The following ZFP64 variants were observed in gnomAD, a reference collection of about 807,000 sequenced individuals.
The protein encoded by ZFP64 is ZFP64 zinc finger protein, also known as zinc finger protein 64.
A neutral mutation model predicts 51.6 loss-of-function variants in ZFP64; 14 were observed. The observed-to-expected ratio is 0.27, with a 90% CI of 0.18 to 0.42. ZFP64 has a LOEUF of 0.42. Ranked by LOEUF, ZFP64 falls within the 10% of genes least tolerant of loss-of-function variation. ZFP64 has a pLI of 1.00. For missense variants in ZFP64, 754 were observed against 906.8 expected, an observed-to-expected ratio of 0.83 and a Z score of 2.16; for synonymous variants, 375 against 361.4, an observed-to-expected ratio of 1.04 and a Z score of -0.43.
chr20:52,106,165 C>T (rs1174471740), intron 5 of ZFP64, among the ~76,000 whole-genome samples: 1 of 152,172 alleles, frequency 6.6e-6, no homozygotes, highest in Non-Finnish European at 1.5e-5. Context: ...CCCCGCCCAG[C>T]AGGTGACGGA....
At chr20:52,172,204 GGTGT>G (rs368946687) in intron 2 of ZFP64, among the ~76,000 whole-genome samples, 2,246 of 150,236 alleles carry the variant, frequency 0.015, 50 homozygotes, top group African/African-American at 0.049. Context: ...TGTGTGTGTT[GGTGT>G]GTGTGTGTGT....
At chr20:52,110,690 G>T (rs1978513800) in intron 5 of ZFP64, 2 of 1,547,554 alleles carry the variant, frequency 1.3e-6, no homozygotes, top group African/African-American at 1.4e-5. Flanking sequence ...TAGACCCCTT[G>T]CCCCTTCAGC....
intron 5 of ZFP64, among the ~76,000 whole-genome samples, chr20:52,137,468 T>C (rs960654090): frequency 6.6e-6 from 1 of 152,208 alleles, no homozygotes; most frequent in Non-Finnish European, 1.5e-5. Flanking sequence ...ATAATTCATC[T>C]GCCAGGACAA....
intron 5 of ZFP64, chr20:52,105,245 G>T: frequency 7.5e-7 from 1 of 1,335,104 alleles, no homozygotes; most frequent in Non-Finnish European, 9.5e-7. Flanking sequence ...CATGGCGCGA[G>T]GACCGGGCTC....
At position 52,104,013 on chromosome 20, in the gene ZFP64, G is replaced by A. The variant is rs371971133; in HGVS notation, c.764-5426C>T. On this transcript the variant is annotated intron_variant, in intron 5 of 8. Transcript: ENST00000361387. ...TGGAGGGGTGAGCCGCCCCGGAGAG[G>A]GGACCCATCCTCCTTTCCGCGCCCG... Among the ~76,000 whole-genome samples, 182 of 152,338 alleles carry A rather than the reference G, an allele frequency of 1.2e-3. 1 individual carries two copies. The highest frequency in any genetic ancestry group is 4.1e-3 in the African/African-American group (172 of 41,590).
chr20:52,123,358 CA>C (rs1377686489), intron 5 of ZFP64, among the ~76,000 whole-genome samples: 1 of 152,208 alleles, frequency 6.6e-6, no homozygotes, highest in East Asian at 1.9e-4. Flanking sequence ...TGCTATCAAA[CA>C]GCATTGCATG....
chr20:52,088,336 A>G, intron 8 of ZFP64: 1 of 1,592,124 alleles, frequency 6.3e-7, no homozygotes, highest in Non-Finnish European at 8.5e-7. Context: ...AAGTAAATGA[A>G]GGTTAAGAAA....
At chr20:52,138,176 T>C (rs923891995) in intron 5 of ZFP64, among the ~76,000 whole-genome samples, 1 of 151,956 alleles carries the variant, frequency 6.6e-6, no homozygotes, top group African/African-American at 2.4e-5. Context: ...CACTGCACTT[T>C]AGCCTGGGAG....
intron 2 of ZFP64, among the ~76,000 whole-genome samples, chr20:52,168,593 G>A (rs1227623592): frequency 6.6e-6 from 1 of 152,130 alleles, no homozygotes; most frequent in Admixed American, 6.5e-5. Context: ...CATTAGCAGA[G>A]ACCATCCTTT....
intron 2 of ZFP64, among the ~76,000 whole-genome samples, chr20:52,177,882 A>C (rs1403754926): frequency 1.3e-5 from 2 of 151,994 alleles, no homozygotes; most frequent in African/African-American, 4.8e-5. Context: ...AAATACAAAA[A>C]TTAGCTGGGT....
At chr20:52,157,464 C>A (rs1261156048) in intron 5 of ZFP64, among the ~76,000 whole-genome samples, 3 of 152,148 alleles carry the variant, frequency 2.0e-5, no homozygotes, top group African/African-American at 7.2e-5. Context: ...CTCAAAGGTA[C>A]ATTTTGCAAT....
chr20:52,119,553 T>TATATATATAC (rs1555802529), intron 5 of ZFP64, among the ~76,000 whole-genome samples: 25 of 84,020 alleles, frequency 3.0e-4, no homozygotes, highest in Non-Finnish European at 5.9e-4. Flanking sequence ...TATATATATA[T>TATATATATAC]ACATATATAT....
At chr20:52,145,459 C>T (rs1399819939) in intron 5 of ZFP64, among the ~76,000 whole-genome samples, 1 of 152,054 alleles carries the variant, frequency 6.6e-6, no homozygotes, top group East Asian at 1.9e-4. Context: ...TTGAGACCAG[C>T]CTGGGCAGAA....
chr20:52,111,196 AATTT>A, intron 5 of ZFP64: 2 of 532,934 alleles, frequency 3.8e-6, no homozygotes, highest in Middle Eastern at 4.9e-4. Context: ...GTCAGCGGTC[AATTT>A]TTTTTTTTTT....
intron 5 of ZFP64, among the ~76,000 whole-genome samples, chr20:52,159,560 C>G (rs1981601267): frequency 6.6e-6 from 1 of 152,198 alleles, no homozygotes; most frequent in South Asian, 2.1e-4. Flanking sequence ...AAAAGCAAAA[C>G]TGCAAATGGG....
intron 5 of ZFP64, among the ~76,000 whole-genome samples, chr20:52,128,474 C>G (rs1288039554): frequency 6.6e-6 from 1 of 152,138 alleles, no homozygotes; most frequent in African/African-American, 2.4e-5. Flanking sequence ...AACCTGAAAA[C>G]AGGAATAAAA....
intron 5 of ZFP64, among the ~76,000 whole-genome samples, chr20:52,129,158 T>C (rs1979594274): frequency 6.6e-6 from 1 of 151,722 alleles, no homozygotes; most frequent in South Asian, 2.1e-4. Context: ...CTCGGCTCAC[T>C]GCAAGCTCCG....
At chr20:52,121,145 C>T (rs1035044364) in intron 5 of ZFP64, among the ~76,000 whole-genome samples, 8 of 152,170 alleles carry the variant, frequency 5.3e-5, no homozygotes, top group Non-Finnish European at 1.5e-5. Flanking sequence ...TTCCCTGAGA[C>T]ACAACATTGA....
At chr20:52,117,785 T>G in intron 5 of ZFP64, 1 of 418,782 alleles carries the variant, frequency 2.4e-6, no homozygotes, top group Non-Finnish European at 4.7e-6. Context: ...AAATTACATT[T>G]TATGATTATT....
Sources: gnomAD v4.1 joint callset for allele counts (sites outside exome capture counted in the v4.1 genomes callset) on GRCh38, gnomAD v4.1.1 for gene constraint, MANE v1.5 for transcripts, NCBI Gene and HGNC (gene_info 2026-07-23, HGNC 2026-07-21) for gene names.